Variants in PCDHGA6 observed in about 807,000 individuals in gnomAD.
The protein encoded by PCDHGA6 is protocadherin gamma-A6.
In PCDHGA6, 41 loss-of-function variants were observed where a neutral mutation model predicts 60.6. The ratio of observed to expected loss-of-function variants is 0.68; its 90% CI spans 0.53 to 0.88. The LOEUF is 0.88. Among genes scored for constraint, PCDHGA6 ranks in the 40% least tolerant of loss-of-function variants. The probability of loss-of-function intolerance (pLI) is 0.00; values close to 1 mark genes in which losing one functional copy is unlikely to be tolerated. For missense variants in PCDHGA6, 1,312 were observed against 1,203.0 expected, an observed-to-expected ratio of 1.09 and a Z score of -1.34; for synonymous variants, 594 against 524.4, an observed-to-expected ratio of 1.13 and a Z score of -1.81.
intron 1 of PCDHGA6, among the ~76,000 whole-genome samples, chr5:141,449,056 G>A (rs149442150): frequency 6.6e-6 from 1 of 152,068 alleles, no homozygotes; most frequent in African/African-American, 2.4e-5. Flanking sequence ...TCATAAATGA[G>A]CGCTATTGAA....
chr5:141,408,914 A>G lies in PCDHGA6; in HGVS notation c.2424+32407A>G, dbSNP rs776105035. ...AATTTCTGTCAAGGATACCAATGAT[A>G]ACCCCCCGGTTTTCAGCAGAGACGA... On this transcript the variant is annotated intron_variant, in intron 1 of 3. Coordinates refer to ENST00000517434, the MANE Select transcript of PCDHGA6 (RefSeq NM_018919.3). The G allele has an allele frequency of 1.2e-5, 20 of 1,613,446 alleles. No homozygotes were observed. The South Asian group carries it at 2.1e-4, about 17-fold the overall frequency.
chr5:141,491,454 C>G lies in PCDHGA6; in HGVS notation c.2425-3353C>G. ...GCTGCAGGCGCCAGGACTCACCCTCCCCGGACTTCTATAAGCAGTCCAGCC... is the reference window on the plus strand; with the variant it reads ...GCTGCAGGCGCCAGGACTCACCCTCGCCGGACTTCTATAAGCAGTCCAGCC... On this transcript the variant is annotated intron_variant, in intron 1 of 3. Coordinates refer to ENST00000517434, the MANE Select transcript of PCDHGA6 (RefSeq NM_018919.3). This position sits in a 1 kb window ranked among gnomAD's most constrained non-coding sequence, Gnocchi z 6.9. The G allele has an allele frequency of 6.2e-7, 1 of 1,614,120 alleles. No individual in the cohort carries two copies. Among genetic ancestry groups the G allele is most frequent in the Non-Finnish European group, 8.5e-7 (1 of 1,180,032 alleles).
intron 1 of PCDHGA6, among the ~76,000 whole-genome samples, chr5:141,465,443 C>T (rs979024871): frequency 6.6e-6 from 1 of 152,158 alleles, no homozygotes; most frequent in Non-Finnish European, 1.5e-5. Flanking sequence ...AATGATTACC[C>T]AAGAAAACTC....
rs1260981096 is a variant in PCDHGA6 at position 141,374,541 on chromosome 5, C to T, written c.458C>T (p.Pro153Leu). Residue 153 changes from proline to leucine, a missense_variant, in exon 1 of 4, where the codon CCA becomes CTA. Pro to Leu is a moderately conservative substitution (Grantham distance 98). Coordinates refer to ENST00000517434, the MANE Select transcript of PCDHGA6 (RefSeq NM_018919.3). Reference sequence around the variant, plus strand: ...AACGCAGCTCCATCCTCTCGTTTTCCACTAATGGAGGTCTATGACCCTGAT... The same window carrying T: ...AACGCAGCTCCATCCTCTCGTTTTCTACTAATGGAGGTCTATGACCCTGAT... ...LENAAPSSRFPLMEVYDPDVG... is the reference protein window; with the variant it reads ...LENAAPSSRFLLMEVYDPDVG... 6.8e-6 allele frequency: 11 copies of T among 1,613,170 alleles called. No individual in the cohort carries two copies. Among genetic ancestry groups the T allele is most frequent in the Non-Finnish European group, 9.3e-6 (11 of 1,179,374 alleles).
intron 1 of PCDHGA6, chr5:141,399,646 AGT>A: frequency 6.2e-7 from 1 of 1,613,790 alleles, no homozygotes; most frequent in African/African-American, 1.3e-5. Context: ...GAGCGCGCAA[AGT>A]GGGGTGGTGT....
At chr5:141,427,584 A>G in intron 1 of PCDHGA6, 1 of 674,672 alleles carries the variant, frequency 1.5e-6, no homozygotes, top group Non-Finnish European at 2.7e-6. Context: ...CTCATCCAGC[A>G]CAAGCCTCAC....
chr5:141,460,961 ATG>A (rs35821115), intron 1 of PCDHGA6, among the ~76,000 whole-genome samples: 22,194 of 144,260 alleles, frequency 0.15, 1,877 homozygotes, highest in South Asian at 0.27. Context: ...GTATATATAT[ATG>A]TGTGTGTGTG....
chr5:141,430,761 T>G, intron 1 of PCDHGA6: 5 of 1,506,132 alleles, frequency 3.3e-6, no homozygotes, highest in Non-Finnish European at 3.5e-6. Context: ...AAGATAAGAA[T>G]GATTCCTGCG....
chr5:141,381,177 C>T (rs935775632), intron 1 of PCDHGA6, among the ~76,000 whole-genome samples: 3 of 152,214 alleles, frequency 2.0e-5, no homozygotes, highest in Admixed American at 6.5e-5. Context: ...TCCCACAAAA[C>T]GAAGTTAAGC....
chr5:141,414,351 G>A (rs771256149), intron 1 of PCDHGA6: 16 of 1,613,676 alleles, frequency 9.9e-6, no homozygotes, highest in South Asian at 6.6e-5. Flanking sequence ...CCATTTTGGC[G>A]TATCTACCAT....
At chr5:141,419,443 C>A in intron 1 of PCDHGA6, 1 of 1,613,080 alleles carries the variant, frequency 6.2e-7, no homozygotes, top group Non-Finnish European at 8.5e-7. Context: ...TGCGCACCTT[C>A]GAGCTCACGC....
Position 141,487,892 on chromosome 5 carries a change from T to A in PCDHGA6, c.2425-6915T>A. On this transcript the variant is annotated intron_variant, in intron 1 of 3. Coordinates refer to ENST00000517434, the MANE Select transcript of PCDHGA6 (RefSeq NM_018919.3). The surrounding 1 kb of genome is among the most constrained non-coding windows in gnomAD (Gnocchi z 5.0). The stretch of plus-strand genomic sequence containing the variant: ...GAGCCAGGCTGTTGTGGAAGCATGA[T>A]GATGGAATGTGGGAGCACAGGAGGC... 1 of 731,410 alleles carries A rather than the reference T, an allele frequency of 1.4e-6. No homozygotes were observed. Among genetic ancestry groups the A allele is most frequent in the South Asian group, 1.8e-5 (1 of 54,120 alleles). The allele number at this position is 731,410 out of a possible 1,614,324, so 45.3% of individuals were successfully genotyped here. A position where few individuals can be genotyped will look rare whatever the true frequency, so the allele number is the denominator to read the frequency against.
intron 1 of PCDHGA6, chr5:141,383,550 C>A: frequency 6.2e-7 from 1 of 1,612,098 alleles, no homozygotes; most frequent in Non-Finnish European, 8.5e-7. Flanking sequence ...CCTCTGATGG[C>A]GGCGACCCGC....
intron 3 of PCDHGA6, among the ~76,000 whole-genome samples, chr5:141,510,639 T>TATCA (rs998925545): frequency 1.4e-4 from 22 of 152,300 alleles, no homozygotes; most frequent in African/African-American, 4.6e-4. Context: ...TGGTTACCAT[T>TATCA]ATCATCCCCA....
chr5:141,426,590 C>T (rs2096945493), intron 1 of PCDHGA6: 1 of 369,282 alleles, frequency 2.7e-6, no homozygotes, highest in East Asian at 7.4e-5. Context: ...TCCTCTGTGT[C>T]ATACCCTTAG....
intron 1 of PCDHGA6, among the ~76,000 whole-genome samples, chr5:141,482,526 C>T (rs1198022164): frequency 1.5e-5 from 1 of 68,582 alleles, no homozygotes; most frequent in African/African-American, 9.7e-5. Flanking sequence ...ATGAGACAGA[C>T]ATGCAAAAAA....
intron 1 of PCDHGA6, chr5:141,387,734 T>C: frequency 7.7e-7 from 1 of 1,302,214 alleles, no homozygotes; most frequent in East Asian, 2.5e-5. Context: ...GCGCCAGCCT[T>C]TACACCGCTT....
rs547410815 is a variant in PCDHGA6 at position 141,418,658 on chromosome 5, A to T, written c.2424+42151A>T. ...CACCTCCATCCTGAGAGTGAAGGCC[A>T]CTGACCAGGACGAGGGCATCAACTC... is the stretch of plus-strand genomic sequence containing the variant. On this transcript the variant is annotated intron_variant, in intron 1 of 3. Transcript: ENST00000517434. 2.6e-4 allele frequency: 419 copies of T among 1,614,030 alleles called. 6 individuals carry two copies. The South Asian group carries it at 4.2e-3, about 16-fold the overall frequency.
In PCDHGA6 at chr5:141,450,826, A is replaced by AT. The variant is rs764729742; in HGVS notation, c.2425-43979dup. On this transcript the variant is annotated intron_variant, in intron 1 of 3. Coordinates refer to ENST00000517434, the MANE Select transcript of PCDHGA6 (RefSeq NM_018919.3). ...TATTTATTTATTTAATATTATTATT[A>AT]TTATTTTTTTTTTTTTGAGATGGGG... Among the ~76,000 whole-genome samples, 613 of 134,334 alleles carry AT rather than the reference A, an allele frequency of 4.6e-3. 5 individuals are homozygous for AT. Among genetic ancestry groups the AT allele is most frequent in the African/African-American group, 9.0e-3 (309 of 34,288 alleles). 88.1% of individuals were successfully genotyped at this position (134,334 alleles called of 152,430 possible).
Sources: allele counts gnomAD v4.1 joint callset (sites outside exome capture counted in the v4.1 genomes callset), GRCh38; gene constraint gnomAD v4.1.1; non-coding constraint Gnocchi (gnomAD v3.1); transcripts MANE v1.5; gene names NCBI Gene and HGNC (gene_info 2026-07-23, HGNC 2026-07-21).